UBR1: variants seen among roughly 807,000 people sequenced by gnomAD.
UBR1 encodes the protein E3 ubiquitin-protein ligase UBR1.
In UBR1, 102 loss-of-function variants were observed where a neutral mutation model predicts 242.1. That is an observed-to-expected ratio of 0.42 (90% confidence interval 0.36 to 0.50). The LOEUF (loss-of-function observed/expected upper bound fraction) is 0.50, where lower values mean the gene tolerates loss of function less well. UBR1 is among the 20% of genes least tolerant of loss of function. UBR1 has a pLI of 0.01. For missense variants in UBR1, 1,772 were observed against 2,101.8 expected (o/e 0.84, Z 3.07); for synonymous variants, 675 against 684.8 (o/e 0.99, Z 0.22).
chr15:43,069,982 T>C (rs927722165), intron 5 of UBR1, among the ~76,000 whole-genome samples: 4 of 152,188 alleles, frequency 2.6e-5, no homozygotes, highest in African/African-American at 9.7e-5. Flanking sequence ...AAATAGTACA[T>C]TTAATGTCTC....
At position 42,990,004 on chromosome 15, in the gene UBR1, GTTCTCTTAACT is replaced by G; in HGVS notation, c.3848+15_3848+25del. ...TCTTATTTTCACAATCATTTACAAA[GTTCTCTTAACT>G]ATTTAGATACTTACGAAGACTCAAC... On this transcript the variant is annotated intron_variant, in intron 34 of 46. Transcript: ENST00000290650. 1 of 1,535,528 alleles carries G rather than the reference GTTCTCTTAACT, an allele frequency of 6.5e-7. No homozygotes were observed. The highest frequency in any genetic ancestry group is 9.0e-7 in the Non-Finnish European group (1 of 1,113,934).
At chr15:42,985,006 T>G in intron 35 of UBR1, 64 bp from the exon 36 acceptor site, 1 of 1,170,224 alleles carries the variant, frequency 8.5e-7, no homozygotes, top group Non-Finnish European at 1.2e-6. Flanking sequence ...TATACTGTAC[T>G]TTTTATCAAA....
Position 42,950,272 on chromosome 15 carries a change from G to T in UBR1, c.5098C>A (p.Pro1700Thr), listed in dbSNP as rs1464362805. 6.2e-7 allele frequency: 1 copy of T among 1,614,026 alleles called. No individual in the cohort carries two copies. The stretch of plus-strand genomic sequence containing the variant: ...TAAAAAAAATCTTACTTCAGGCCAG[G>T]GTCTGTTTCTCCATATTCATCCAAG... ...PYLDEYGETDPGLKRGNPLHL... is the reference protein window; with the variant it reads ...PYLDEYGETDTGLKRGNPLHL... The change falls in exon 46 of 47, where the codon CCT (proline) becomes ACT (threonine). Residue 1700 changes from proline to threonine, a missense_variant. Coordinates refer to ENST00000290650, the MANE Select transcript of UBR1 (RefSeq NM_174916.3).
intron 27 of UBR1, among the ~76,000 whole-genome samples, chr15:43,019,844 T>A (rs2033082488): frequency 6.6e-6 from 1 of 150,398 alleles, no homozygotes; most frequent in Admixed American, 6.6e-5. Context: ...GATCTTGTGA[T>A]CCACCCGCCT....
Position 42,950,150 on chromosome 15 carries a change from T to C in UBR1, c.5108+112A>G, listed in dbSNP as rs1319812880. On this transcript the variant is annotated intron_variant, in intron 46 of 46. Coordinates refer to ENST00000290650, the MANE Select transcript of UBR1 (RefSeq NM_174916.3). ...CACGGTGTCTGGCCTCAATTACCTT[T>C]TGTGATTAAAGAACTATTACCGTTT... The C allele has an allele frequency of 5.7e-6, 6 of 1,053,752 alleles. No individual in the cohort carries two copies. In the East Asian group the frequency reaches 1.5e-4, roughly 26 times the overall value. The allele number at this position is 1,053,752 out of a possible 1,614,324, so 65.3% of individuals were successfully genotyped here.
chr15:43,016,867 G>A (rs548883176), intron 28 of UBR1, among the ~76,000 whole-genome samples: 3 of 152,246 alleles, frequency 2.0e-5, no homozygotes, highest in South Asian at 4.1e-4. Context: ...AGAGCTCTAC[G>A]ATATATCAAT....
At chr15:43,062,127 T>G (rs1262886655) in intron 6 of UBR1, among the ~76,000 whole-genome samples, 1 of 152,122 alleles carries the variant, frequency 6.6e-6, no homozygotes, top group African/African-American at 2.4e-5. Context: ...ATCCAGCAAT[T>G]CCACTTGTGG....
chr15:42,964,379 G>A (rs1380558514), intron 41 of UBR1, among the ~76,000 whole-genome samples: 1 of 152,164 alleles, frequency 6.6e-6, no homozygotes. Context: ...TGAGGCAGGA[G>A]AATTGCTTGA....
chr15:43,040,495 C>A (rs2033403199), intron 15 of UBR1, among the ~76,000 whole-genome samples: 1 of 152,068 alleles, frequency 6.6e-6, no homozygotes, highest in Non-Finnish European at 1.5e-5. Context: ...CCATAAAAAC[C>A]CTAGAAGAAA....
chr15:43,048,479 G>T lies in UBR1; in HGVS notation c.1452C>A (p.Ile484=), dbSNP rs1207178464. The T allele has an allele frequency of 1.2e-6, 2 of 1,612,810 alleles. No homozygotes were observed. The highest frequency in any genetic ancestry group is 4.5e-5 in the East Asian group (2 of 44,786). Reference sequence around the variant, plus strand: ...TTTCTGTCCATATTGTGGGTTTGCTGATCAGGATATACCTATCGTTTCAAG... The same window carrying T: ...TTTCTGTCCATATTGTGGGTTTGCTTATCAGGATATACCTATCGTTTCAAG... ...AVICDLKYIL[I]SKPTIWTERL... Residue 484 remains isoleucine, a synonymous_variant, in exon 13 of 47, where the codon ATC becomes ATA. Coordinates refer to ENST00000290650, the MANE Select transcript of UBR1 (RefSeq NM_174916.3).
At chr15:43,054,601 G>T in intron 12 of UBR1, 141 bp downstream of exon 12, 1 of 930,370 alleles carries the variant, frequency 1.1e-6, no homozygotes, top group Non-Finnish European at 1.8e-6. Flanking sequence ...TTAACGCGAG[G>T]CAGTAACAGT....
intron 3 of UBR1, among the ~76,000 whole-genome samples, chr15:43,075,922 ATTT>A (rs902161078): frequency 6.6e-6 from 1 of 151,310 alleles, no homozygotes; most frequent in Non-Finnish European, 1.5e-5. Context: ...ACCTGATAAG[ATTT>A]TTTTAATTAA....
At chr15:42,962,244 A>AAT (rs2032035677) in intron 42 of UBR1, among the ~76,000 whole-genome samples, 1 of 152,164 alleles carries the variant, frequency 6.6e-6, no homozygotes, top group Non-Finnish European at 1.5e-5. Flanking sequence ...AGTTAGTAAT[A>AAT]AAAGTGATGG....
chr15:43,089,355 C>T (rs900543548), intron 1 of UBR1, among the ~76,000 whole-genome samples: 2 of 151,812 alleles, frequency 1.3e-5, no homozygotes, highest in African/African-American at 2.4e-5. Context: ...ATTAGCCAGG[C>T]GTGGTGGTAG....
chr15:42,956,122 G>C (rs1402240096), intron 44 of UBR1, among the ~76,000 whole-genome samples: 1 of 152,144 alleles, frequency 6.6e-6, no homozygotes, highest in Non-Finnish European at 1.5e-5. Context: ...CTTCAAGCTT[G>C]AACCTGAGTC....
At chr15:42,978,263 C>T (rs2032320591) in intron 37 of UBR1, among the ~76,000 whole-genome samples, 1 of 152,168 alleles carries the variant, frequency 6.6e-6, no homozygotes, top group Admixed American at 6.5e-5. Context: ...TACTTTTATA[C>T]AATGTTCCCT....
chr15:43,031,816 T>C (rs974606703), intron 20 of UBR1, among the ~76,000 whole-genome samples: 2 of 151,844 alleles, frequency 1.3e-5, no homozygotes, highest in African/African-American at 4.8e-5. Flanking sequence ...AGGTCAGGAG[T>C]TCAAGACCAG....
Position 43,009,870 on chromosome 15 carries a change from T to C in UBR1, c.3210-2586A>G, listed in dbSNP as rs146044153. ...TACCTAACATAGAATACTCTGCAGC[T>C]TTTTTGTTTTATTTTGTTTGAGACA... On this transcript the variant is annotated intron_variant, in intron 29 of 46. Coordinates refer to ENST00000290650, the MANE Select transcript of UBR1 (RefSeq NM_174916.3). Among the ~76,000 whole-genome samples, 1,304 of 152,282 alleles carry C rather than the reference T, an allele frequency of 8.6e-3. 19 individuals carry two copies. Among genetic ancestry groups the C allele is most frequent in the African/African-American group, 0.03 (1,235 of 41,550 alleles).
intron 19 of UBR1, 77 bp from the exon 20 acceptor site, chr15:43,032,708 T>G (rs2033272533): frequency 2.4e-6 from 2 of 848,168 alleles, no homozygotes; most frequent in Non-Finnish European, 3.8e-6. Context: ...TGGACGAGAC[T>G]CATGGTCCAT....
Sources: allele counts gnomAD v4.1 joint callset (sites outside exome capture counted in the v4.1 genomes callset), GRCh38; gene constraint gnomAD v4.1.1; transcripts MANE v1.5; gene names NCBI Gene and HGNC (gene_info 2026-07-23, HGNC 2026-07-21).